VRK1: variants seen among roughly 807,000 people sequenced by gnomAD.
The protein encoded by VRK1 is VRK serine/threonine kinase 1.
In VRK1, 33 loss-of-function variants were observed where a neutral mutation model predicts 57.1. That is an observed-to-expected ratio of 0.58 (90% CI 0.44 to 0.77). The LOEUF is 0.77. Among genes scored for constraint, VRK1 ranks in the 30% least tolerant of loss-of-function variants. VRK1 has a pLI of 0.00. For synonymous variants in VRK1, 137 were observed against 147.8 expected, an observed-to-expected ratio of 0.93 and a Z score of 0.53; for missense variants, 413 against 477.3, an observed-to-expected ratio of 0.87 and a Z score of 1.25.
At chr14:96,807,559 A>G (rs1004835442) in intron 1 of VRK1, among the ~76,000 whole-genome samples, 3 of 152,230 alleles carry the variant, frequency 2.0e-5, no homozygotes, top group Non-Finnish European at 2.9e-5. Context: ...TGTTCTAGAT[A>G]TAACACTTTT....
At position 96,853,070 on chromosome 14, in the gene VRK1, A is replaced by G. The variant is rs572434615; in HGVS notation, c.484-4A>G. The stretch of plus-strand genomic sequence containing the variant: ...TTAACTTATTCTGTATGATACTTTC[A>G]TAGCTGGATATTCTGGAATATATTC... On this transcript the variant is annotated splice_polypyrimidine_tract_variant and splice_region_variant and intron_variant, in intron 6 of 12. Transcript: ENST00000216639. The G allele has an allele frequency of 1.9e-5, 31 of 1,613,712 alleles. No homozygotes were observed. The highest frequency in any genetic ancestry group is 2.4e-5 in the Non-Finnish European group (28 of 1,179,712).
chr14:96,836,778 G>A lies in VRK1; in HGVS notation c.161-984G>A, dbSNP rs111718266. Among the ~76,000 whole-genome samples, 374 of 151,958 alleles carry A rather than the reference G, an allele frequency of 2.5e-3. 3 individuals are homozygous for A. Among genetic ancestry groups the A allele is most frequent in the African/African-American group, 8.3e-3 (343 of 41,466 alleles). ...TCCTGACCTCAGGTGATCCACCTGC[G>A]TTGACCTCCCAAAGTGCTGGGATTA... is the stretch of plus-strand genomic sequence containing the variant. On this transcript the variant is annotated intron_variant, in intron 2 of 12. Coordinates refer to ENST00000216639, the MANE Select transcript of VRK1 (RefSeq NM_003384.3).
At chr14:96,809,082 A>G (rs1005429451) in intron 1 of VRK1, among the ~76,000 whole-genome samples, 3 of 152,176 alleles carry the variant, frequency 2.0e-5, no homozygotes, top group African/African-American at 7.2e-5. Flanking sequence ...TACCTTGACT[A>G]GAACGTCTAG....
At chr14:96,804,992 A>G (rs1221931102) in intron 1 of VRK1, among the ~76,000 whole-genome samples, 1 of 152,204 alleles carries the variant, frequency 6.6e-6, no homozygotes, top group East Asian at 1.9e-4. Flanking sequence ...CTCATTGTTG[A>G]TGTGGGTGAC....
chr14:96,839,084 GTTTT>G (rs555020075), intron 3 of VRK1, among the ~76,000 whole-genome samples: 8 of 112,394 alleles, frequency 7.1e-5, no homozygotes, highest in African/African-American at 2.0e-4. Flanking sequence ...CTTGTCTTGA[GTTTT>G]TTTTTTTTTT....
intron 1 of VRK1, among the ~76,000 whole-genome samples, chr14:96,806,608 AG>A (rs2139684115): frequency 1.3e-5 from 2 of 152,330 alleles, no homozygotes; most frequent in African/African-American, 4.8e-5. Context: ...CATCAAATCA[AG>A]GTAAAATAAT....
intron 2 of VRK1, among the ~76,000 whole-genome samples, chr14:96,835,415 C>CA (rs1566697820): frequency 6.6e-6 from 1 of 152,240 alleles, no homozygotes; most frequent in East Asian, 1.9e-4. Context: ...CTTCTGTGTG[C>CA]TCCGGCTTTT....
At chr14:96,842,738 T>C (rs950414982) in intron 3 of VRK1, among the ~76,000 whole-genome samples, 14 of 152,338 alleles carry the variant, frequency 9.2e-5, no homozygotes, top group Admixed American at 6.5e-4. Flanking sequence ...GGCCTGGTTA[T>C]TGGTATTTTT....
At chr14:96,872,363 G>A (rs575104547) in intron 11 of VRK1, among the ~76,000 whole-genome samples, 2 of 152,212 alleles carry the variant, frequency 1.3e-5, no homozygotes, top group Admixed American at 6.5e-5. Flanking sequence ...ATCTGTATAT[G>A]TGCAAAACAC....
At chr14:96,851,328 A>G (rs1000265128) in intron 5 of VRK1, among the ~76,000 whole-genome samples, 1 of 151,860 alleles carries the variant, frequency 6.6e-6, no homozygotes, top group Non-Finnish European at 1.5e-5. Flanking sequence ...TTTAGTAGAG[A>G]CGGGGTTTCA....
chr14:96,854,066 G>T (rs1888055267), intron 7 of VRK1, among the ~76,000 whole-genome samples: 1 of 152,060 alleles, frequency 6.6e-6, no homozygotes, highest in South Asian at 2.1e-4. Context: ...ATGGTGGATA[G>T]AAGGGAATCT....
intron 1 of VRK1, among the ~76,000 whole-genome samples, chr14:96,810,699 G>A (rs1488718341): frequency 6.6e-6 from 1 of 152,128 alleles, no homozygotes; most frequent in African/African-American, 2.4e-5. Context: ...GGATTTGAAT[G>A]GAATGTTTTC....
intron 11 of VRK1, among the ~76,000 whole-genome samples, chr14:96,872,498 G>A (rs1888861404): frequency 6.6e-6 from 1 of 152,206 alleles, no homozygotes. Context: ...ACACAAATGT[G>A]TGTACTATAA....
chr14:96,832,474 A>G (rs766334668), intron 1 of VRK1, among the ~76,000 whole-genome samples: 27 of 152,316 alleles, frequency 1.8e-4, no homozygotes, highest in Middle Eastern at 6.8e-3. Flanking sequence ...GTTCACATGC[A>G]TACTAGTACA....
At chr14:96,803,150 A>G (rs976140581) in intron 1 of VRK1, among the ~76,000 whole-genome samples, 17 of 151,254 alleles carry the variant, frequency 1.1e-4, no homozygotes, top group Non-Finnish European at 1.5e-5. Flanking sequence ...CCCCAAGTGC[A>G]AGACTAGTGA....
chr14:96,834,511 T>C lies in VRK1; in HGVS notation c.160+880T>C, dbSNP rs76600254. Among the ~76,000 whole-genome samples, 76 of 152,228 alleles carry C rather than the reference T, an allele frequency of 5.0e-4. 2 individuals are homozygous for C. The East Asian group carries it at 0.014, about 29-fold the overall frequency. Reference sequence around the variant, plus strand: ...GTTTGTTCAAGGTGATTCTGATGCATGTTGAAGTTTGAGAACCACTGGTTG... The same window carrying C: ...GTTTGTTCAAGGTGATTCTGATGCACGTTGAAGTTTGAGAACCACTGGTTG... On this transcript the variant is annotated intron_variant, in intron 2 of 12. Transcript: ENST00000216639.
intron 3 of VRK1, among the ~76,000 whole-genome samples, chr14:96,839,695 A>G (rs1180018822): frequency 6.6e-6 from 1 of 151,978 alleles, no homozygotes; most frequent in African/African-American, 2.4e-5. Flanking sequence ...TCTTATTTTT[A>G]TCTTTTAAAA....
intron 3 of VRK1, among the ~76,000 whole-genome samples, chr14:96,845,859 T>C (rs1183671402): frequency 6.6e-6 from 1 of 152,194 alleles, no homozygotes; most frequent in Non-Finnish European, 1.5e-5. Context: ...GCTATATATC[T>C]GATTTTGTAT....
chr14:96,878,919 G>A (rs1889142819), intron 12 of VRK1, among the ~76,000 whole-genome samples: 1 of 152,054 alleles, frequency 6.6e-6, no homozygotes, highest in Non-Finnish European at 1.5e-5. Context: ...TGATATTTAT[G>A]GCTGGTGTAC....
Sources: allele counts gnomAD v4.1 joint callset (sites outside exome capture counted in the v4.1 genomes callset), GRCh38; gene constraint gnomAD v4.1.1; transcripts MANE v1.5; gene names NCBI Gene and HGNC (gene_info 2026-07-23, HGNC 2026-07-21).